Variants in SETBP1 observed in about 807,000 individuals in gnomAD.
The protein encoded by SETBP1 is SET-binding protein.
A neutral mutation model predicts 101.0 loss-of-function variants in SETBP1; 9 were observed. The ratio of observed to expected loss-of-function variants is 0.09; its 90% CI spans 0.05 to 0.16. The LOEUF (loss-of-function observed/expected upper bound fraction) is 0.16. Among genes scored for constraint, SETBP1 ranks in the 10% least tolerant of loss-of-function variants. The pLI is 1.00. For missense variants in SETBP1, 1,858 were observed against 2,033.8 expected (o/e 0.91, Z 1.66); for synonymous variants, 818 against 788.5 (o/e 1.04, Z -0.63).
At chr18:45,004,468 C>T (rs1036981521) in intron 4 of SETBP1, among the ~76,000 whole-genome samples, 1 of 152,198 alleles carries the variant, frequency 6.6e-6, no homozygotes, top group Non-Finnish European at 1.5e-5. Flanking sequence ...AACCAGCTGC[C>T]TGTTACAGAA....
intron 4 of SETBP1, among the ~76,000 whole-genome samples, chr18:44,993,412 T>C (rs115670209): frequency 0.013 from 1,994 of 152,084 alleles, 47 homozygotes; most frequent in African/African-American, 0.046. Flanking sequence ...CCAGAAATAA[T>C]ATATAAACAA....
At chr18:44,749,784 C>T (rs544981390) in intron 2 of SETBP1, among the ~76,000 whole-genome samples, 1 of 152,216 alleles carries the variant, frequency 6.6e-6, no homozygotes, top group East Asian at 1.9e-4. Context: ...GGTAGTAATA[C>T]AAAAGGTAAA....
At chr18:44,757,097 C>G (rs1370260745) in intron 2 of SETBP1, among the ~76,000 whole-genome samples, 1 of 151,904 alleles carries the variant, frequency 6.6e-6, no homozygotes, top group East Asian at 1.9e-4. Flanking sequence ...CCTCAGCCAT[C>G]CAAGATAAGA....
At chr18:44,963,524 G>T (rs2071655929) in intron 4 of SETBP1, among the ~76,000 whole-genome samples, 1 of 151,808 alleles carries the variant, frequency 6.6e-6, no homozygotes, top group Admixed American at 6.6e-5. Flanking sequence ...TTAAATCTTT[G>T]TTTTTTTTAA....
At chr18:44,778,774 A>C (rs1272263543) in intron 2 of SETBP1, among the ~76,000 whole-genome samples, 1 of 152,228 alleles carries the variant, frequency 6.6e-6, no homozygotes, top group African/African-American at 2.4e-5. Context: ...GGAGTGGAGA[A>C]TTATGGAACT....
intron 2 of SETBP1, among the ~76,000 whole-genome samples, chr18:44,784,637 C>T (rs948361756): frequency 2.8e-4 from 43 of 152,346 alleles, no homozygotes; most frequent in Admixed American, 1.5e-3. Flanking sequence ...GTCTTTCCTG[C>T]TGGAAGTTAA....
In SETBP1 at chr18:44,801,422, T is replaced by A. The variant is rs1264101510; in HGVS notation, c.487-67808T>A. Among the ~76,000 whole-genome samples, 3 of 152,156 alleles carry A rather than the reference T, an allele frequency of 2.0e-5. No homozygotes were observed. In the East Asian group the frequency reaches 5.8e-4, roughly 29 times the overall value. On this transcript the variant is annotated intron_variant, in intron 2 of 5. Coordinates refer to ENST00000649279, the MANE Select transcript of SETBP1 (RefSeq NM_015559.3). ...GACAGAGAATGAGACAGGTTTGGGA[T>A]CTGTTTCGAGGTAGAAGAAAGGAAC...
At position 44,988,122 on chromosome 18, in the gene SETBP1, A is replaced by G. The variant is rs541152320; in HGVS notation, c.4000+34782A>G. ...AAAATAGAAATATATACACATTCAT[A>G]CGATTTGGAAAAGAAGGGACACAAA... is the stretch of plus-strand genomic sequence containing the variant. On this transcript the variant is annotated intron_variant, in intron 4 of 5. Coordinates refer to ENST00000649279, the MANE Select transcript of SETBP1 (RefSeq NM_015559.3). 4 of 152,358 alleles carry G rather than the reference A, an allele frequency of 2.6e-5. No individual in the cohort carries two copies. In the South Asian group the frequency reaches 8.3e-4, roughly 32 times the overall value. The allele number at this position is 152,358 out of a possible 1,614,324, so 9.4% of individuals were successfully genotyped here.
chr18:44,807,844 T>G (rs953656165), intron 2 of SETBP1, among the ~76,000 whole-genome samples: 1 of 152,120 alleles, frequency 6.6e-6, no homozygotes, highest in Non-Finnish European at 1.5e-5. Flanking sequence ...CATGGTGGTA[T>G]AGATGATGGC....
intron 2 of SETBP1, among the ~76,000 whole-genome samples, chr18:44,783,547 A>G (rs1292275087): frequency 6.6e-6 from 1 of 152,234 alleles, no homozygotes; most frequent in Non-Finnish European, 1.5e-5. Flanking sequence ...ATTGTGCAAC[A>G]TGGTAGAATG....
intron 3 of SETBP1, among the ~76,000 whole-genome samples, chr18:44,894,894 C>T (rs1356475688): frequency 6.6e-6 from 1 of 150,612 alleles, no homozygotes; most frequent in Non-Finnish European, 1.5e-5. Context: ...AGGAGGATTG[C>T]TCAAGGCCAG....
chr18:44,761,740 T>G (rs1441554705), intron 2 of SETBP1, among the ~76,000 whole-genome samples: 1 of 152,260 alleles, frequency 6.6e-6, no homozygotes, highest in Non-Finnish European at 1.5e-5. Flanking sequence ...TGCTTTTGAA[T>G]GGACCTTTGG....
chr18:44,867,261 C>A (rs1234343121), intron 2 of SETBP1, among the ~76,000 whole-genome samples: 1 of 152,214 alleles, frequency 6.6e-6, no homozygotes, highest in Non-Finnish European at 1.5e-5. Flanking sequence ...CTACCTTTCT[C>A]CTTAAGGTCG....
intron 4 of SETBP1, among the ~76,000 whole-genome samples, chr18:44,969,292 C>T (rs16978240): frequency 0.1 from 15,171 of 152,154 alleles, 1,046 homozygotes; most frequent in Admixed American, 0.22. Flanking sequence ...TGATACAAAA[C>T]GTCTGAAGAA....
chr18:44,799,791 A>G (rs2071563647), intron 2 of SETBP1, among the ~76,000 whole-genome samples: 1 of 152,088 alleles, frequency 6.6e-6, no homozygotes, highest in African/African-American at 2.4e-5. Context: ...GGAAAACAAT[A>G]CTTCTGACCT....
chr18:45,056,735 G>C (rs2073814694), intron 5 of SETBP1, among the ~76,000 whole-genome samples: 1 of 152,242 alleles, frequency 6.6e-6, no homozygotes, highest in South Asian at 2.1e-4. Flanking sequence ...CTAACTGTTT[G>C]GTGGCCTAGC....
intron 4 of SETBP1, among the ~76,000 whole-genome samples, chr18:44,964,969 G>T (rs2071689793): frequency 6.6e-6 from 1 of 152,076 alleles, no homozygotes; most frequent in Non-Finnish European, 1.5e-5. Flanking sequence ...GGAGGAATTG[G>T]GCGTGAAAAT....
intron 3 of SETBP1, among the ~76,000 whole-genome samples, chr18:44,948,564 AT>A (rs2071266757): frequency 6.7e-6 from 1 of 148,908 alleles, no homozygotes; most frequent in African/African-American, 2.5e-5. Context: ...AATTTTCTAA[AT>A]TCATGAAGCC....
chr18:44,838,472 C>G (rs2072542857), intron 2 of SETBP1, among the ~76,000 whole-genome samples: 1 of 152,136 alleles, frequency 6.6e-6, no homozygotes, highest in South Asian at 2.1e-4. Flanking sequence ...TGAAGATGCT[C>G]TTTATCCAGA....
Sources: gnomAD v4.1 joint callset for allele counts (sites outside exome capture counted in the v4.1 genomes callset) on GRCh38, gnomAD v4.1.1 for gene constraint, MANE v1.5 for transcripts, NCBI Gene and HGNC (gene_info 2026-07-23, HGNC 2026-07-21) for gene names.